MTA3: variants seen among roughly 807,000 people sequenced by gnomAD.
MTA3 encodes metastasis associated 1 family member 3.
In MTA3, 34 loss-of-function variants were observed where a neutral mutation model predicts 83.5. That is an observed-to-expected ratio of 0.41 (90% CI 0.31 to 0.54). The LOEUF (loss-of-function observed/expected upper bound fraction) is 0.54. Ranked by LOEUF, MTA3 falls within the 20% of genes least tolerant of loss-of-function variation. MTA3 has a pLI of 0.33. For missense variants in MTA3, 761 were observed against 726.4 expected (o/e 1.05, Z -0.55); for synonymous variants, 303 against 252.7 (o/e 1.20, Z -1.89).
chr2:42,618,881 G>A (rs905301587), intron 4 of MTA3, among the ~76,000 whole-genome samples: 1 of 152,186 alleles, frequency 6.6e-6, no homozygotes, highest in African/African-American at 2.4e-5. Flanking sequence ...AAAGTATTGG[G>A]ATTACAGGTG....
chr2:42,756,747 C>T lies in MTA3; in HGVS notation c.*3348C>T, dbSNP rs1670264766. On this transcript the variant is annotated 3_prime_UTR_variant, in exon 17 of 17. Transcript: ENST00000405094. ...GAAGGCCATGTCCCAGTTTTCTGTC[C>T]ACCCCTCCTGTTCCTCTGCACTATG... The T allele has an allele frequency of 3.0e-6, 3 of 985,460 alleles. No individual in the cohort carries two copies. The highest frequency in any genetic ancestry group is 3.5e-5 in the African/African-American group (2 of 57,332). 61.0% of individuals were successfully genotyped at this position (985,460 alleles called of 1,614,324 possible). A position where few individuals can be genotyped will look rare whatever the true frequency, so the allele number is the denominator to read the frequency against.
chr2:42,679,803 A>G (rs1312301820), intron 8 of MTA3, among the ~76,000 whole-genome samples: 1 of 151,750 alleles, frequency 6.6e-6, no homozygotes, highest in African/African-American at 2.4e-5. Context: ...GACAAACAGA[A>G]TATCTTTTAA....
chr2:42,598,188 T>C (rs1047574748), intron 3 of MTA3, among the ~76,000 whole-genome samples: 10 of 152,148 alleles, frequency 6.6e-5, no homozygotes, highest in Non-Finnish European at 4.4e-5. Context: ...TTCTCCTGCC[T>C]CAGCCTCCTG....
chr2:42,745,385 A>G (rs1669332045), intron 16 of MTA3, among the ~76,000 whole-genome samples: 2 of 152,216 alleles, frequency 1.3e-5, no homozygotes, highest in African/African-American at 4.8e-5. Flanking sequence ...ACATTTAAGT[A>G]TCTGGGACTG....
At chr2:42,588,297 A>G (rs1680573396) in intron 3 of MTA3, among the ~76,000 whole-genome samples, 2 of 152,212 alleles carry the variant, frequency 1.3e-5, no homozygotes, top group South Asian at 4.1e-4. Context: ...GAGTTTTACT[A>G]TGTATTCATT....
Position 42,579,174 on chromosome 2 carries a change from T to A in MTA3, c.164T>A (p.Leu55His). The stretch of plus-strand genomic sequence containing the variant: ...AGACGACGTGATATTTCCAACACAC[T>A]TATAATGCTCGCAGATAAGCATGCT... ...FYRRRDISNT[L>H]IMLADKHAKE... The change falls in exon 3 of 17, where the codon CTT (leucine) becomes CAT (histidine). Residue 55 changes from leucine (L) to histidine (H), a missense_variant. By Grantham distance (99) the Leu-to-His change is moderately conservative. Coordinates refer to ENST00000405094, the MANE Select transcript of MTA3 (RefSeq NM_001330442.2). The A allele has an allele frequency of 6.2e-7, 1 of 1,603,314 alleles. No individual in the cohort carries two copies. Among genetic ancestry groups the A allele is most frequent in the Non-Finnish European group, 8.5e-7 (1 of 1,175,434 alleles).
intron 2 of MTA3, among the ~76,000 whole-genome samples, chr2:42,501,729 G>A (rs1362234428): frequency 6.6e-6 from 1 of 152,172 alleles, no homozygotes; most frequent in Non-Finnish European, 1.5e-5. Flanking sequence ...TGTAATTCCA[G>A]CACTTTGGGA....
At chr2:42,682,295 G>T (rs1042710492) in intron 8 of MTA3, 106 bp from the exon 9 acceptor site, 13 of 755,594 alleles carry the variant, frequency 1.7e-5, no homozygotes, top group African/African-American at 1.6e-4. Flanking sequence ...AAATAAATAA[G>T]TATATTGTTA....
At chr2:42,514,055 A>C (rs1675022970) in intron 2 of MTA3, among the ~76,000 whole-genome samples, 1 of 152,166 alleles carries the variant, frequency 6.6e-6, no homozygotes, top group African/African-American at 2.4e-5. Flanking sequence ...CTTTACTAAA[A>C]ATGTAAAATT....
At chr2:42,682,688 G>T in intron 9 of MTA3, 99 bp downstream of exon 9, 1 of 1,108,394 alleles carries the variant, frequency 9.0e-7, no homozygotes, top group Non-Finnish European at 1.3e-6. Flanking sequence ...AAGTTTGTGA[G>T]TTAATAGTTT....
intron 8 of MTA3, among the ~76,000 whole-genome samples, chr2:42,666,016 G>A (rs1415850087): frequency 2.6e-5 from 4 of 152,144 alleles, no homozygotes; most frequent in Admixed American, 1.3e-4. Context: ...CGTGGCTCAC[G>A]CCTGTAATCC....
Position 42,715,406 on chromosome 2 carries a change from CTTTTTTT to C in MTA3, c.1526-3564_1526-3558del, listed in dbSNP as rs35673744. Among the ~76,000 whole-genome samples the C allele has an allele frequency of 4.9e-3, 514 of 104,170 alleles. 6 individuals carry two copies. The highest frequency in any genetic ancestry group is 0.018 in the African/African-American group (442 of 25,172). The allele number at this position is 104,170 out of a possible 152,430, so 68.3% of individuals were successfully genotyped here. A position where few individuals can be genotyped will look rare whatever the true frequency, so the allele number is the denominator to read the frequency against. On this transcript the variant is annotated intron_variant, in intron 14 of 16. Transcript: ENST00000405094. The stretch of plus-strand genomic sequence containing the variant: ...GAGACATAATTCTTGCCACCAACTA[CTTTTTTT>C]TTTTTTTTTTTTTTTTTGAGACAGG...
intron 4 of MTA3, among the ~76,000 whole-genome samples, chr2:42,617,416 A>C (rs1023390162): frequency 2.0e-5 from 3 of 152,220 alleles, no homozygotes; most frequent in African/African-American, 7.2e-5. Context: ...ATATCAAAAA[A>C]TGTTTTGATA....
At chr2:42,535,416 A>G (rs914337716) in intron 2 of MTA3, among the ~76,000 whole-genome samples, 1 of 151,388 alleles carries the variant, frequency 6.6e-6, no homozygotes, top group African/African-American at 2.4e-5. Context: ...TTTTTTTATT[A>G]AAAATTTTTT....
intron 4 of MTA3, among the ~76,000 whole-genome samples, chr2:42,614,949 C>G (rs2104130763): frequency 6.7e-6 from 1 of 149,850 alleles, no homozygotes; most frequent in Non-Finnish European, 1.5e-5. Flanking sequence ...TGTACTTTAG[C>G]CTGGGTGACA....
intron 6 of MTA3, among the ~76,000 whole-genome samples, chr2:42,645,109 G>C (rs1165765649): frequency 7.3e-6 from 1 of 137,928 alleles, no homozygotes; most frequent in Non-Finnish European, 1.5e-5. Flanking sequence ...CAAAGGAAAA[G>C]TTCTTGAAGG....
intron 14 of MTA3, among the ~76,000 whole-genome samples, chr2:42,711,580 T>C (rs1217521638): frequency 6.6e-6 from 1 of 152,182 alleles, no homozygotes; most frequent in Non-Finnish European, 1.5e-5. Context: ...CGTCTACTCT[T>C]TTTTATTTTT....
At chr2:42,554,592 AC>A (rs1185713062) in intron 2 of MTA3, among the ~76,000 whole-genome samples, 1 of 151,834 alleles carries the variant, frequency 6.6e-6, no homozygotes, top group African/African-American at 2.4e-5. Context: ...CAAGTGAGGG[AC>A]CCCACAGGGA....
chr2:42,648,041 G>A (rs867880091), intron 6 of MTA3, among the ~76,000 whole-genome samples: 2 of 151,968 alleles, frequency 1.3e-5, no homozygotes, highest in Non-Finnish European at 2.9e-5. Flanking sequence ...GGGTTTCGCC[G>A]TGTTGGCCAG....
Sources: allele counts gnomAD v4.1 joint callset (sites outside exome capture counted in the v4.1 genomes callset), GRCh38; gene constraint gnomAD v4.1.1; transcripts MANE v1.5; gene names NCBI Gene and HGNC (gene_info 2026-07-23, HGNC 2026-07-21).